The following AKR1D1 variants were observed in gnomAD, a reference collection of about 807,000 sequenced individuals.
The protein encoded by AKR1D1 is aldo-keto reductase family 1 member D1, also known as delta(4)-3-ketosteroid 5-beta-reductase.
In AKR1D1, 32 loss-of-function variants were observed where a neutral mutation model predicts 42.6. The ratio of observed to expected loss-of-function variants is 0.75; its 90% CI spans 0.57 to 1.01. The LOEUF (loss-of-function observed/expected upper bound fraction) is 1.01. AKR1D1 is among the 50% of genes least tolerant of loss of function. The pLI, the probability that AKR1D1 is intolerant of heterozygous loss-of-function variation, is 0.00. For synonymous variants in AKR1D1, 123 were observed against 135.5 expected (o/e 0.91, Z 0.64); for missense variants, 364 against 402.2 (o/e 0.91, Z 0.81).
intron 4 of AKR1D1, 30 bp from the exon 5 acceptor site, chr7:138,105,273 CTTGT>C: frequency 6.2e-7 from 1 of 1,613,962 alleles, no homozygotes; most frequent in Non-Finnish European, 8.5e-7. Context: ...TCTTGTGAGG[CTTGT>C]TTGTTGACCT....
chr7:138,114,932 G>A lies in AKR1D1; in HGVS notation c.938+1160G>A, dbSNP rs144640457. 8.4e-4 allele frequency among the ~76,000 whole-genome samples: 128 copies of A among 152,138 alleles called. 2 individuals are homozygous for A. In the East Asian group the frequency reaches 0.024, roughly 29 times the overall value. On this transcript the variant is annotated intron_variant, in intron 8 of 8. Transcript: ENST00000242375. ...TCATGGGTCAGAAAGTACAGTGACTGGATTAATATTGAATTTCTGAATTAA... is the reference window on the plus strand; with the variant it reads ...TCATGGGTCAGAAAGTACAGTGACTAGATTAATATTGAATTTCTGAATTAA...
At chr7:138,081,050 G>A (rs1803044580) in intron 1 of AKR1D1, among the ~76,000 whole-genome samples, 1 of 152,178 alleles carries the variant, frequency 6.6e-6, no homozygotes, top group South Asian at 2.1e-4. Context: ...TTGATAAAAG[G>A]AGTGTTCTCT....
chr7:138,086,981 C>T (rs1252750984), intron 1 of AKR1D1, among the ~76,000 whole-genome samples: 2 of 152,152 alleles, frequency 1.3e-5, no homozygotes, highest in Non-Finnish European at 2.9e-5. Context: ...TATTTAAATG[C>T]CATCATAACT....
intron 1 of AKR1D1, 106 bp downstream of exon 1, chr7:138,076,717 G>C: frequency 2.1e-6 from 2 of 954,062 alleles, no homozygotes. Flanking sequence ...CTTACTTTTT[G>C]TAGTAATGGA....
At chr7:138,112,144 C>G (rs1251238261) in intron 7 of AKR1D1, among the ~76,000 whole-genome samples, 1 of 152,156 alleles carries the variant, frequency 6.6e-6, no homozygotes, top group Non-Finnish European at 1.5e-5. Context: ...TTTGCAACCT[C>G]ACTTTGCCAT....
At chr7:138,112,248 A>T (rs964433134) in intron 7 of AKR1D1, among the ~76,000 whole-genome samples, 2 of 152,190 alleles carry the variant, frequency 1.3e-5, no homozygotes, top group Admixed American at 1.3e-4. Flanking sequence ...CTGAGTAAGG[A>T]TTCATTTTAT....
In AKR1D1 at chr7:138,106,670, T is replaced by G; in HGVS notation, c.642T>G (p.Ile214Met). 3 of 1,614,096 alleles carry G rather than the reference T, an allele frequency of 1.9e-6. No individual in the cohort carries two copies. The highest frequency in any genetic ancestry group is 2.5e-6 in the Non-Finnish European group (3 of 1,179,976). ...KLLKFCQQHD[I>M]VITAYSPLGT... ...TGAAATTTTGCCAACAACATGACATTGTCATTACTGCATATAGCCCTTTGG... is the reference window on the plus strand; with the variant it reads ...TGAAATTTTGCCAACAACATGACATGGTCATTACTGCATATAGCCCTTTGG... The change falls in exon 6 of 9, where the codon ATT becomes ATG. Residue 214 changes from isoleucine to methionine, a missense_variant. Physicochemically the swap from Ile to Met is conservative, Grantham distance 10. Coordinates refer to ENST00000242375, the MANE Select transcript of AKR1D1 (RefSeq NM_005989.4).
chr7:138,106,544 A>C, intron 5 of AKR1D1, 64 bp from the exon 6 acceptor site: 1 of 1,224,316 alleles, frequency 8.2e-7, no homozygotes, highest in South Asian at 1.2e-5. Context: ...TTTTTTTAAC[A>C]GTACAATTGC....
chr7:138,101,740 G>C (rs951479684), intron 4 of AKR1D1, among the ~76,000 whole-genome samples: 3 of 152,104 alleles, frequency 2.0e-5, no homozygotes, highest in African/African-American at 7.2e-5. Flanking sequence ...CTGTGCAAGA[G>C]CTATACAGTA....
chr7:138,116,759 A>G lies in AKR1D1; in HGVS notation c.*97A>G, dbSNP rs1420423809. 1 of 1,125,660 alleles carries G rather than the reference A, an allele frequency of 8.9e-7. No individual in the cohort carries two copies. The highest frequency in any genetic ancestry group is 1.3e-6 in the Non-Finnish European group (1 of 749,252). 69.7% of individuals were successfully genotyped at this position (1,125,660 alleles called of 1,614,324 possible). ...TGTGAAAATGAAGAGAGAGGGTTTT[A>G]CCATCCTGAGAAGAAATAATGATGG... On this transcript the variant is annotated 3_prime_UTR_variant, in exon 9 of 9. Coordinates refer to ENST00000242375, the MANE Select transcript of AKR1D1 (RefSeq NM_005989.4).
At chr7:138,111,258 C>T (rs1010489059) in intron 7 of AKR1D1, among the ~76,000 whole-genome samples, 2 of 152,162 alleles carry the variant, frequency 1.3e-5, no homozygotes, top group African/African-American at 4.8e-5. Context: ...TAAAATCCAA[C>T]CTAGACTCAC....
rs796247176 is a variant in AKR1D1, at chr7:138,117,432, A to C, written c.*770A>C. The C allele has an allele frequency of 7.2e-5, 11 of 152,744 alleles. No individual in the cohort carries two copies. The highest frequency in any genetic ancestry group is 2.6e-4 in the African/African-American group (11 of 41,586). The allele number at this position is 152,744 out of a possible 1,614,324, so 9.5% of individuals were successfully genotyped here. The stretch of plus-strand genomic sequence containing the variant: ...TTACGTGAAAAGGCTTGAAACAACC[A>C]ACATATACAAATAAAACCCTGCCTT... On this transcript the variant is annotated 3_prime_UTR_variant, in exon 9 of 9. Transcript: ENST00000242375.
chr7:138,104,680 C>CG (rs1554392717), intron 4 of AKR1D1, among the ~76,000 whole-genome samples: 5 of 68,358 alleles, frequency 7.3e-5, no homozygotes, highest in South Asian at 5.9e-4. Context: ...AACTCCATCT[C>CG]GGAAAAAAAA....
chr7:138,108,717 T>C (rs1794480124), intron 7 of AKR1D1, among the ~76,000 whole-genome samples: 1 of 152,166 alleles, frequency 6.6e-6, no homozygotes, highest in Admixed American at 6.5e-5. Context: ...AAGGAACAAA[T>C]GTCAAGAGAT....
At position 138,116,721 on chromosome 7, in the gene AKR1D1, G is replaced by A; in HGVS notation, c.*59G>A. ...CACGAGTGCCAAGACGGTGCAATGG[G>A]TAGTCCCCTAGATGTGAAAATGAAG... On this transcript the variant is annotated 3_prime_UTR_variant, in exon 9 of 9. Transcript: ENST00000242375. The A allele has an allele frequency of 1.4e-6, 2 of 1,458,800 alleles. No individual in the cohort carries two copies. The highest frequency in any genetic ancestry group is 1.9e-6 in the Non-Finnish European group (2 of 1,039,068). 90.4% of individuals were successfully genotyped at this position (1,458,800 alleles called of 1,614,324 possible).
At chr7:138,097,655 G>A (rs1375564359) in intron 3 of AKR1D1, among the ~76,000 whole-genome samples, 1 of 152,184 alleles carries the variant, frequency 6.6e-6, no homozygotes, top group Non-Finnish European at 1.5e-5. Context: ...AGAGGACAGT[G>A]CACACAAGAC....
At chr7:138,087,538 A>G (rs1484271758) in intron 1 of AKR1D1, among the ~76,000 whole-genome samples, 3 of 152,222 alleles carry the variant, frequency 2.0e-5, no homozygotes, top group Admixed American at 2.0e-4. Flanking sequence ...AGTTTCATTG[A>G]GATATAACTG....
intron 1 of AKR1D1, among the ~76,000 whole-genome samples, chr7:138,085,637 G>A (rs1203665372): frequency 1.3e-5 from 2 of 151,728 alleles, no homozygotes; most frequent in African/African-American, 2.4e-5. Flanking sequence ...GTAGAAATGG[G>A]GTTTCACCAT....
intron 5 of AKR1D1, among the ~76,000 whole-genome samples, chr7:138,106,011 G>A (rs1794418049): frequency 6.6e-6 from 1 of 152,012 alleles, no homozygotes; most frequent in Non-Finnish European, 1.5e-5. Context: ...CAAATTGCAA[G>A]ACTGGTACAC....
Sources: gnomAD v4.1 joint callset for allele counts (sites outside exome capture counted in the v4.1 genomes callset) on GRCh38, gnomAD v4.1.1 for gene constraint, MANE v1.5 for transcripts, NCBI Gene and HGNC (gene_info 2026-07-23, HGNC 2026-07-21) for gene names.